SUSD4: variants seen among roughly 807,000 people sequenced by gnomAD.
SUSD4 encodes sushi domain-containing protein 4.
A neutral mutation model predicts 50.5 loss-of-function variants in SUSD4; 41 were observed. The observed-to-expected ratio is 0.81, with a 90% CI of 0.63 to 1.05. The LOEUF is 1.05. SUSD4 is among the 50% of genes least tolerant of loss of function. The pLI is 0.00. For synonymous variants in SUSD4, 257 were observed against 257.3 expected (o/e 1.00, Z 0.01); for missense variants, 580 against 634.7 (o/e 0.91, Z 0.93).
intron 5 of SUSD4, chr1:223,264,240 T>C (rs1662320624): frequency 2.0e-6 from 2 of 985,238 alleles, no homozygotes; most frequent in African/African-American, 1.7e-5. Context: ...ATAAAGTGCA[T>C]GGAAATATGG....
At chr1:223,252,219 TAAAAAAAA>T (rs68004270) in intron 5 of SUSD4, among the ~76,000 whole-genome samples, 9 of 129,086 alleles carry the variant, frequency 7.0e-5, no homozygotes, top group African/African-American at 2.7e-4. Flanking sequence ...AAAGTATAAT[TAAAAAAAA>T]AAAAAAAAAA....
chr1:223,328,785 C>A (rs1667016941), intron 2 of SUSD4, among the ~76,000 whole-genome samples: 1 of 152,184 alleles, frequency 6.6e-6, no homozygotes, highest in African/African-American at 2.4e-5. Flanking sequence ...GGCTGGTAGA[C>A]CAGCTGGCAC....
In SUSD4 at chr1:223,268,584, G is replaced by C; in HGVS notation, c.453C>G (p.Phe151Leu). ...TGTGTAGGTCGGGGTACCGGATCTT[G>C]AATCCTTCATGACAAGTGATGATTA... ...EKLIITCHEG[F>L]KIRYPDLHNM... Residue 151 changes from phenylalanine to leucine, a missense_variant, in exon 4 of 9, where the codon TTC (phenylalanine) becomes TTG (leucine). Physicochemically the swap from Phe to Leu is conservative, Grantham distance 22 (BLOSUM62 0). Coordinates refer to ENST00000366878, the MANE Select transcript of SUSD4 (RefSeq NM_017982.4). The C allele has an allele frequency of 1.2e-6, 2 of 1,610,992 alleles. No homozygotes were observed. The highest frequency in any genetic ancestry group is 1.7e-6 in the Non-Finnish European group (2 of 1,178,760).
At chr1:223,222,505 T>C (rs1042472888) in intron 8 of SUSD4, among the ~76,000 whole-genome samples, 10 of 152,244 alleles carry the variant, frequency 6.6e-5, no homozygotes, top group East Asian at 3.9e-4. Context: ...AGCCAGAAAG[T>C]TGCAAATTCA....
In SUSD4 at chr1:223,363,291, T is replaced by G. The variant is rs754183220; in HGVS notation, c.135A>C (p.Ala45=). The change falls in exon 2 of 9, where the codon GCA becomes GCC. Residue 45 remains alanine (A), a synonymous_variant. Coordinates refer to ENST00000366878, the MANE Select transcript of SUSD4 (RefSeq NM_017982.4). The part of the protein sequence containing the change: ...WFQLALCFGP[A]QLTGGFDDLQ... Reference sequence around the variant, plus strand: ...TGGGTCACTCACCGCCCGTGAGCTGTGCAGGGCCGAAGCACAGCGCCAGCT... The same window carrying G: ...TGGGTCACTCACCGCCCGTGAGCTGGGCAGGGCCGAAGCACAGCGCCAGCT... 6 of 1,606,288 alleles carry G rather than the reference T, an allele frequency of 3.7e-6. No individual in the cohort carries two copies. Among genetic ancestry groups the G allele is most frequent in the East Asian group, 2.2e-5 (1 of 44,766 alleles).
chr1:223,287,348 A>T (rs1664212989), intron 3 of SUSD4, among the ~76,000 whole-genome samples: 1 of 152,170 alleles, frequency 6.6e-6, no homozygotes, highest in African/African-American at 2.4e-5. Context: ...AAGAACTGGG[A>T]TTACAGGCGT....
intron 3 of SUSD4, among the ~76,000 whole-genome samples, chr1:223,275,174 C>T (rs1330889996): frequency 6.6e-6 from 1 of 152,136 alleles, no homozygotes; most frequent in Non-Finnish European, 1.5e-5. Context: ...GAGTGAACGA[C>T]TAAACATATT....
intron 2 of SUSD4, among the ~76,000 whole-genome samples, chr1:223,314,496 G>C (rs981031411): frequency 2.0e-5 from 3 of 152,104 alleles, no homozygotes; most frequent in Non-Finnish European, 4.4e-5. Flanking sequence ...TCAAAAATAG[G>C]AAGATGAGCT....
chr1:223,319,472 T>A (rs1666443324), intron 2 of SUSD4, among the ~76,000 whole-genome samples: 1 of 152,172 alleles, frequency 6.6e-6, no homozygotes, highest in African/African-American at 2.4e-5. Context: ...ATGCTTGCCC[T>A]TCTTAATACA....
rs1026036238 is a variant in SUSD4 at position 223,264,763 on chromosome 1, C to G, written c.591G>C (p.Gln197His). 2.5e-6 allele frequency: 4 copies of G among 1,614,188 alleles called. No homozygotes were observed. The highest frequency in any genetic ancestry group is 3.3e-4 in the Middle Eastern group (2 of 6,062). Residue 197 changes from glutamine to histidine, a missense_variant, in exon 5 of 9, where the codon CAG becomes CAC. By Grantham distance (24) the Gln-to-His change is conservative. Coordinates refer to ENST00000366878, the MANE Select transcript of SUSD4 (RefSeq NM_017982.4). ...SNGYVNISEL[Q>H]TSFPVGTVIS... ...TCACAGTCCCCACCGGGAAGGAGGT[C>G]TGGAGCTCAGAGATGTTTACATAGC... is the stretch of plus-strand genomic sequence containing the variant.
At chr1:223,298,444 C>T (rs1047997337) in intron 2 of SUSD4, among the ~76,000 whole-genome samples, 2 of 152,158 alleles carry the variant, frequency 1.3e-5, no homozygotes, top group South Asian at 4.2e-4. Flanking sequence ...ATCCACAGCT[C>T]CAAACACTTC....
chr1:223,361,380 C>T (rs1668968148), intron 2 of SUSD4, among the ~76,000 whole-genome samples: 1 of 152,132 alleles, frequency 6.6e-6, no homozygotes, highest in African/African-American at 2.4e-5. Context: ...CTTCCTGCAG[C>T]ATATGAGTGC....
At chr1:223,275,516 G>C (rs1663195787) in intron 3 of SUSD4, among the ~76,000 whole-genome samples, 1 of 152,130 alleles carries the variant, frequency 6.6e-6, no homozygotes, top group South Asian at 2.1e-4. Flanking sequence ...CTTCTCATGG[G>C]CTGATGACTT....
chr1:223,345,494 G>T (rs1667979732), intron 2 of SUSD4, among the ~76,000 whole-genome samples: 1 of 152,078 alleles, frequency 6.6e-6, no homozygotes, highest in Admixed American at 6.5e-5. Context: ...TCAGATCCAG[G>T]CCCTGCCGCT....
At chr1:223,292,741 G>A in intron 2 of SUSD4, 90 bp from the exon 3 acceptor site, 1 of 1,373,344 alleles carries the variant, frequency 7.3e-7, no homozygotes, top group Non-Finnish European at 1.0e-6. Context: ...CCTGCATGAT[G>A]TCATACGCCT....
rs754760773 is a variant in SUSD4 at position 223,223,628 on chromosome 1, C to A, written c.1065G>T (p.Gly355=). ...GGTCACTGCTGGAACTCCGGGGAGGCCCCCTGTGTAAAGGAAAGAAGTGCC... is the reference window on the plus strand; with the variant it reads ...GGTCACTGCTGGAACTCCGGGGAGGACCCCTGTGTAAAGGAAAGAAGTGCC... ...TKFKAHFPPR[G]PPRSSSSDPD... is the part of the protein sequence containing the mutation. The change falls in exon 8 of 9, where the codon GGG becomes GGT. Residue 355 remains glycine (G), a synonymous_variant. Transcript: ENST00000366878. 1 of 1,600,790 alleles carries A rather than the reference C, an allele frequency of 6.2e-7. No homozygotes were observed.
At chr1:223,333,914 T>G (rs1195461198) in intron 2 of SUSD4, among the ~76,000 whole-genome samples, 1 of 152,112 alleles carries the variant, frequency 6.6e-6, no homozygotes, top group Non-Finnish European at 1.5e-5. Flanking sequence ...CCTATAGATG[T>G]GGACATTAGG....
rs1659629953 is a variant in SUSD4, at chr1:223,227,926, A to G, written c.917-188T>C. Among the ~76,000 whole-genome samples, 1 of 152,160 alleles carries G rather than the reference A, an allele frequency of 6.6e-6. No individual in the cohort carries two copies. The highest frequency in any genetic ancestry group is 6.5e-5 in the Admixed American group (1 of 15,290). ...TGTAAATTGCATCAGGATCCACCCA[A>G]CACTAAAAACCTGTCTCCAGCATGG... On this transcript the variant is annotated intron_variant, in intron 6 of 8. Coordinates refer to ENST00000366878, the MANE Select transcript of SUSD4 (RefSeq NM_017982.4). This position sits in a 1 kb window ranked among gnomAD's most constrained non-coding sequence, Gnocchi z 4.5.
intron 2 of SUSD4, among the ~76,000 whole-genome samples, chr1:223,314,729 A>ACCACCATGTGAGACGTCC (rs1366400151): frequency 1.3e-5 from 2 of 152,102 alleles, no homozygotes; most frequent in Non-Finnish European, 2.9e-5. Flanking sequence ...TCTCTTGTCT[A>ACCACCATGTGAGACGTCC]CCACCATGTG....
Sources: allele counts gnomAD v4.1 joint callset (sites outside exome capture counted in the v4.1 genomes callset), GRCh38; gene constraint gnomAD v4.1.1; non-coding constraint Gnocchi (gnomAD v3.1); transcripts MANE v1.5; gene names NCBI Gene and HGNC (gene_info 2026-07-23, HGNC 2026-07-21).